Variants in LRP1B observed in about 807,000 individuals in gnomAD.
LRP1B encodes the protein low-density lipoprotein receptor-related protein 1B.
Under a neutral mutation model 556.6 loss-of-function variants are expected in LRP1B, and 217 were observed. That is an observed-to-expected ratio of 0.39 (90% CI 0.35 to 0.44). The LOEUF is 0.44. Among genes scored for constraint, LRP1B ranks in the 20% least tolerant of loss-of-function variants. The probability of loss-of-function intolerance (pLI) is 1.00; values close to 1 mark genes in which losing one functional copy is unlikely to be tolerated. For synonymous variants in LRP1B, 2,047 were observed against 1,865.8 expected, an observed-to-expected ratio of 1.10 and a Z score of -2.50; for missense variants, 5,053 against 5,620.8, an observed-to-expected ratio of 0.90 and a Z score of 3.23.
rs750994355 is a variant in LRP1B at position 140,456,586 on chromosome 2, T to C, written c.9832A>G (p.Met3278Val). The C allele has an allele frequency of 6.2e-7, 1 of 1,610,798 alleles. No individual in the cohort carries two copies. Among genetic ancestry groups the C allele is most frequent in the Non-Finnish European group, 8.5e-7 (1 of 1,178,246 alleles). The change falls in exon 62 of 91, where the codon ATG (methionine) becomes GTG (valine). Residue 3278 changes from methionine to valine, a missense_variant. Coordinates refer to ENST00000389484, the MANE Select transcript of LRP1B (RefSeq NM_018557.3). ...RQPDVSKHLC[M>V]INNGGCSHLC... The stretch of plus-strand genomic sequence containing the variant: ...TGACTGCAACCACCATTATTTATCA[T>C]GCAGAGATGTTTGGAGACTAAAGAT...
At chr2:140,677,873 T>C (rs1347220253) in intron 41 of LRP1B, among the ~76,000 whole-genome samples, 34 of 113,720 alleles carry the variant, frequency 3.0e-4, no homozygotes, top group African/African-American at 1.0e-3. Context: ...CAAAACTATG[T>C]CTCAAAAAAA....
At chr2:141,361,628 T>C (rs1188434924) in intron 3 of LRP1B, among the ~76,000 whole-genome samples, 1 of 152,206 alleles carries the variant, frequency 6.6e-6, no homozygotes, top group Non-Finnish European at 1.5e-5. Context: ...ATAATTTCTT[T>C]TAACTGATTA....
chr2:140,812,241 T>C (rs1690954826), intron 32 of LRP1B, among the ~76,000 whole-genome samples: 1 of 152,062 alleles, frequency 6.6e-6, no homozygotes, highest in African/African-American at 2.4e-5. Context: ...ACTCTACTTT[T>C]CAAAAAGTAC....
intron 77 of LRP1B, among the ~76,000 whole-genome samples, chr2:140,338,290 T>C (rs1460582064): frequency 1.3e-5 from 2 of 151,732 alleles, no homozygotes; most frequent in Non-Finnish European, 2.9e-5. Flanking sequence ...CAGAGAATAA[T>C]GGCAGAGGGT....
chr2:141,323,948 A>C (rs1296011991), intron 3 of LRP1B, among the ~76,000 whole-genome samples: 1 of 125,364 alleles, frequency 8.0e-6, no homozygotes, highest in African/African-American at 3.2e-5. Context: ...CATCTGAACA[A>C]GGAAACCACA....
intron 86 of LRP1B, 31 bp from the exon 87 acceptor site, chr2:140,247,193 A>G (rs1476702074): frequency 6.7e-7 from 1 of 1,499,366 alleles, no homozygotes; most frequent in Non-Finnish European, 9.3e-7. Context: ...AACAAAACAG[A>G]TCAGCGAATA....
intron 1 of LRP1B, among the ~76,000 whole-genome samples, chr2:141,877,106 G>A (rs1038426363): frequency 3.3e-5 from 5 of 151,712 alleles, no homozygotes; most frequent in African/African-American, 9.7e-5. Flanking sequence ...TTCATCCTAC[G>A]ACCCAAGCTT....
At chr2:140,895,856 A>G (rs1693938361) in intron 23 of LRP1B, among the ~76,000 whole-genome samples, 1 of 152,096 alleles carries the variant, frequency 6.6e-6, no homozygotes, top group African/African-American at 2.4e-5. Flanking sequence ...GCTGCTTCTC[A>G]ACAACGCCAA....
intron 3 of LRP1B, among the ~76,000 whole-genome samples, chr2:141,380,225 G>GA (rs35977522): frequency 0.025 from 3,399 of 137,534 alleles, 127 homozygotes; most frequent in African/African-American, 0.082. Context: ...TGCTCCAGGA[G>GA]AAAAAAAAAA....
rs778268193 is a variant in LRP1B, at chr2:140,350,940, T to C, written c.11749A>G (p.Ile3917Val). ...CCTGTTATTCTTGAATTATGTTCAATATGAGAAATTTGTTGATGATCGCCA... is the reference window on the plus strand; with the variant it reads ...CCTGTTATTCTTGAATTATGTTCAACATGAGAAATTTGTTGATGATCGCCA... ...YSGDHQQISH[I>V]EHNSRITGMD... is the part of the protein sequence containing the mutation. Residue 3917 changes from isoleucine to valine, a missense_variant, in exon 77 of 91, where the codon ATT (isoleucine) becomes GTT (valine). Physicochemically the swap from Ile to Val is conservative, Grantham distance 29. Around this residue, in one of 5 missense-constraint regions of LRP1B, gnomAD observed 599 missense variants for 648.4 expected, o/e 0.92. Transcript: ENST00000389484. 3 of 1,610,764 alleles carry C rather than the reference T, an allele frequency of 1.9e-6. No homozygotes were observed. The highest frequency in any genetic ancestry group is 2.5e-6 in the Non-Finnish European group (3 of 1,177,566).
intron 1 of LRP1B, among the ~76,000 whole-genome samples, chr2:142,013,243 C>T (rs577662042): frequency 2.0e-5 from 3 of 151,726 alleles, no homozygotes; most frequent in South Asian, 2.1e-4. Context: ...AGACGGAAAG[C>T]GGGATGGGAA....
At chr2:140,599,384 A>G (rs927793405) in intron 42 of LRP1B, among the ~76,000 whole-genome samples, 3 of 151,838 alleles carry the variant, frequency 2.0e-5, no homozygotes, top group Non-Finnish European at 4.4e-5. Context: ...TCTCAGTGTG[A>G]TTTTTCTATA....
In LRP1B at chr2:140,908,502, A is replaced by G. The variant is rs41497646; in HGVS notation, c.3320-425T>C. ...CTTTTAGATCCCTAAATTTAGGTGA[A>G]TGCTATCGGTGCCTGTCAGAAACTC... On this transcript the variant is annotated intron_variant, in intron 21 of 90. Coordinates refer to ENST00000389484, the MANE Select transcript of LRP1B (RefSeq NM_018557.3). Among the ~76,000 whole-genome samples, 384 of 151,606 alleles carry G rather than the reference A, an allele frequency of 2.5e-3. 3 individuals are homozygous for G. The highest frequency in any genetic ancestry group is 8.8e-3 in the African/African-American group (365 of 41,436).
At chr2:141,114,556 T>G (rs182988914) in intron 7 of LRP1B, among the ~76,000 whole-genome samples, 4 of 152,274 alleles carry the variant, frequency 2.6e-5, no homozygotes, top group African/African-American at 9.6e-5. Context: ...GCCCCTTCTC[T>G]TCTCTCCTCT....
chr2:140,272,088 T>C (rs1468027575), intron 85 of LRP1B, among the ~76,000 whole-genome samples: 1 of 151,964 alleles, frequency 6.6e-6, no homozygotes, highest in East Asian at 1.9e-4. Context: ...TCTTTTTCCC[T>C]CTAAAGTTTG....
chr2:140,851,899 C>T (rs879079103), intron 27 of LRP1B, 116 bp from the exon 28 acceptor site: 1 of 771,552 alleles, frequency 1.3e-6, no homozygotes, highest in Non-Finnish European at 2.0e-6. Context: ...TACATAGAAC[C>T]CATTAGTAGG....
chr2:140,331,426 C>T (rs1415824749), intron 79 of LRP1B, among the ~76,000 whole-genome samples: 2 of 151,906 alleles, frequency 1.3e-5, no homozygotes, highest in African/African-American at 4.8e-5. Flanking sequence ...ATCAGTGTGT[C>T]ATTTGAAGGC....
chr2:140,652,553 A>G (rs1313782361), intron 41 of LRP1B, among the ~76,000 whole-genome samples: 5 of 152,106 alleles, frequency 3.3e-5, no homozygotes, highest in South Asian at 2.1e-4. Flanking sequence ...TATACAAAGA[A>G]AAGAATCACA....
chr2:141,574,559 C>T (rs144217354), intron 2 of LRP1B, among the ~76,000 whole-genome samples: 164 of 152,154 alleles, frequency 1.1e-3, no homozygotes, highest in African/African-American at 3.7e-3. Flanking sequence ...GACAAGGATG[C>T]CTCTCTCACC....
Sources: allele counts gnomAD v4.1 joint callset (sites outside exome capture counted in the v4.1 genomes callset), GRCh38; gene constraint gnomAD v4.1.1; regional missense constraint gnomAD v4.1.1; transcripts MANE v1.5; gene names NCBI Gene and HGNC (gene_info 2026-07-23, HGNC 2026-07-21).